ANKRD12: variants seen among roughly 807,000 people sequenced by gnomAD.
ANKRD12 encodes ankyrin repeat domain-containing protein 12.
In ANKRD12, 85 loss-of-function variants were observed where a neutral mutation model predicts 183.4. That is an observed-to-expected ratio of 0.46 (90% CI 0.39 to 0.56). ANKRD12 has a LOEUF of 0.56. ANKRD12 is among the 20% of genes least tolerant of loss of function. ANKRD12 has a pLI of 0.00. For missense variants in ANKRD12, 2,405 were observed against 2,357.1 expected (o/e 1.02, Z -0.42); for synonymous variants, 914 against 800.2 (o/e 1.14, Z -2.40).
chr18:9,257,645 A>C lies in ANKRD12; in HGVS notation c.4378A>C (p.Lys1460Gln), dbSNP rs533774975. 6.2e-7 allele frequency: 1 copy of C among 1,614,010 alleles called. No individual in the cohort carries two copies. Among genetic ancestry groups the C allele is most frequent in the African/African-American group, 1.3e-5 (1 of 75,026 alleles). ...TTGTAATTCTGAAAATAAGGTATTG[A>C]AAGAAAATGCTGATTTTTTATCCCT... ...SFCNSENKVL[K>Q]ENADFLSLRQ... Residue 1460 changes from lysine to glutamine, a missense_variant, in exon 9 of 13, where the codon AAA (lysine) becomes CAA (glutamine). Coordinates refer to ENST00000262126, the MANE Select transcript of ANKRD12 (RefSeq NM_015208.5).
At chr18:9,261,257 A>G (rs1224121218) in intron 9 of ANKRD12, among the ~76,000 whole-genome samples, 1 of 152,184 alleles carries the variant, frequency 6.6e-6, no homozygotes, top group Non-Finnish European at 1.5e-5. Context: ...CTTCCACAGC[A>G]TGTTATTTAA....
chr18:9,169,094 A>G (rs968480383), intron 1 of ANKRD12, among the ~76,000 whole-genome samples: 1 of 152,112 alleles, frequency 6.6e-6, no homozygotes, highest in Non-Finnish European at 1.5e-5. Flanking sequence ...ACAGTTTGTT[A>G]TAATTTCTGT....
Position 9,263,884 on chromosome 18 carries a change from A to G in ANKRD12, c.5759A>G (p.Glu1920Gly). Residue 1920 changes from glutamate (E) to glycine (G), a missense_variant, in exon 10 of 13, where the codon GAA becomes GGA. By Grantham distance (98) the Glu-to-Gly change is moderately conservative. Around this residue, in one of 7 missense-constraint regions of ANKRD12, gnomAD observed 162 missense variants for 272.2 expected, o/e 0.60. Transcript: ENST00000262126. ...AAACTACGTTTGCAACACAGTATTGAAAGGGTAAGAAATGTTTAAATTTAC... is the reference window on the plus strand; with the variant it reads ...AAACTACGTTTGCAACACAGTATTGGAAGGGTAAGAAATGTTTAAATTTAC... ...RMKLRLQHSI[E>G]REKLIVSNEQ... The G allele has an allele frequency of 6.9e-7, 1 of 1,445,708 alleles. No individual in the cohort carries two copies. Among genetic ancestry groups the G allele is most frequent in the Non-Finnish European group, 9.5e-7 (1 of 1,054,862 alleles). 89.6% of individuals were successfully genotyped at this position (1,445,708 alleles called of 1,614,324 possible).
intron 8 of ANKRD12, 27 bp from the exon 9 acceptor site, chr18:9,254,184 C>T: frequency 6.8e-7 from 1 of 1,466,386 alleles, no homozygotes. Flanking sequence ...GTTTGACCCA[C>T]ACCACATTTT....
intron 10 of ANKRD12, 28 bp from the exon 11 acceptor site, chr18:9,275,496 A>T (rs977530893): frequency 2.3e-5 from 36 of 1,575,812 alleles, no homozygotes; most frequent in Non-Finnish European, 3.1e-5. Flanking sequence ...TGAAGAATTT[A>T]TTTTTTTTTA....
Position 9,254,417 on chromosome 18 carries a change from GAAC to G in ANKRD12, c.1154_1156del (p.Gln385del), listed in dbSNP as rs752154180. 8 of 1,583,822 alleles carry G rather than the reference GAAC, an allele frequency of 5.1e-6. No homozygotes were observed. The highest frequency in any genetic ancestry group is 6.8e-6 in the Non-Finnish European group (8 of 1,170,224). On this transcript the variant is annotated inframe_deletion, in exon 9 of 13. Transcript: ENST00000262126. ...TGATGATAGGCATATTCTTAGGAAA[GAAC>G]AACGAAAAGAAAATGAACCTGAAGC...
Position 9,282,913 on chromosome 18 carries a change from T to G in ANKRD12, c.*1787T>G, listed in dbSNP as rs2040154941. 1 of 152,576 alleles carries G rather than the reference T, an allele frequency of 6.6e-6. No homozygotes were observed. 9.5% of individuals were successfully genotyped at this position (152,576 alleles called of 1,614,324 possible). A position where few individuals can be genotyped will look rare whatever the true frequency, so the allele number is the denominator to read the frequency against. ...TTATAAAGGTTGGATGTAGTTTTCCTTAGAAATTTAGGTGAGAGATTTTGG... is the reference window on the plus strand; with the variant it reads ...TTATAAAGGTTGGATGTAGTTTTCCGTAGAAATTTAGGTGAGAGATTTTGG... On this transcript the variant is annotated 3_prime_UTR_variant, in exon 13 of 13. Coordinates refer to ENST00000262126, the MANE Select transcript of ANKRD12 (RefSeq NM_015208.5).
intron 1 of ANKRD12, among the ~76,000 whole-genome samples, chr18:9,142,670 T>C (rs1003702748): frequency 6.6e-6 from 1 of 151,994 alleles, no homozygotes; most frequent in Non-Finnish European, 1.5e-5. Flanking sequence ...TCACCTGAGG[T>C]CAGGAGTTTG....
chr18:9,243,791 A>G (rs959657168), intron 8 of ANKRD12, among the ~76,000 whole-genome samples: 1 of 152,258 alleles, frequency 6.6e-6, no homozygotes, highest in Non-Finnish European at 1.5e-5. Context: ...GACAAAACAT[A>G]CATTATCTTA....
At chr18:9,242,787 A>T (rs1567956365) in intron 8 of ANKRD12, among the ~76,000 whole-genome samples, 1 of 152,132 alleles carries the variant, frequency 6.6e-6, no homozygotes. Flanking sequence ...TAGACTTAAG[A>T]TATTTTCAGC....
intron 8 of ANKRD12, among the ~76,000 whole-genome samples, chr18:9,244,714 G>T (rs1275436739): frequency 6.6e-6 from 1 of 152,106 alleles, no homozygotes. Flanking sequence ...TAAGTATGAC[G>T]CAGGCTAAAA....
At chr18:9,202,651 G>A (rs2035243524) in intron 3 of ANKRD12, among the ~76,000 whole-genome samples, 1 of 152,204 alleles carries the variant, frequency 6.6e-6, no homozygotes, top group Non-Finnish European at 1.5e-5. Flanking sequence ...AGGAACATAT[G>A]TGGGAGAGAG....
chr18:9,259,088 C>G (rs1045894822), intron 9 of ANKRD12, among the ~76,000 whole-genome samples, 157 bp downstream of exon 9: 1 of 152,152 alleles, frequency 6.6e-6, no homozygotes, highest in Non-Finnish European at 1.5e-5. Context: ...GTTCTTGTTT[C>G]TTTCATTCCC....
Position 9,254,644 on chromosome 18 carries a change from A to G in ANKRD12, c.1377A>G (p.Glu459=), listed in dbSNP as rs768870589. 8.9e-6 allele frequency: 14 copies of G among 1,574,332 alleles called. No individual in the cohort carries two copies. The highest frequency in any genetic ancestry group is 1.4e-5 in the African/African-American group (1 of 73,094). ...TSNSDMQTKK[E]YVVSGEHKQK... ...ATTCTGATATGCAAACCAAAAAGGA[A>G]TATGTAGTTTCAGGTGAACACAAAC... The change falls in exon 9 of 13, where the codon GAA becomes GAG. Residue 459 remains glutamate (E), a synonymous_variant. Transcript: ENST00000262126.
chr18:9,151,702 C>T (rs980699004), intron 1 of ANKRD12, among the ~76,000 whole-genome samples: 1 of 152,100 alleles, frequency 6.6e-6, no homozygotes, highest in Non-Finnish European at 1.5e-5. Flanking sequence ...CGTTTTTGCC[C>T]TGAAAGCGGC....
chr18:9,200,958 T>G (rs1053298854), intron 3 of ANKRD12, among the ~76,000 whole-genome samples: 1 of 152,128 alleles, frequency 6.6e-6, no homozygotes, highest in Admixed American at 6.5e-5. Flanking sequence ...AATCACAAGA[T>G]TATTGCTTCT....
intron 1 of ANKRD12, among the ~76,000 whole-genome samples, chr18:9,170,052 C>A (rs1257207018): frequency 6.6e-6 from 1 of 152,232 alleles, no homozygotes; most frequent in Non-Finnish European, 1.5e-5. Flanking sequence ...CCACTCTCTT[C>A]CGGCTTGTAG....
At chr18:9,260,276 T>A (rs1376640564) in intron 9 of ANKRD12, 1 of 152,124 alleles carries the variant, frequency 6.6e-6, no homozygotes, top group Admixed American at 6.6e-5. Context: ...CCAGGCCTGA[T>A]AACAATAACT....
At chr18:9,237,740 G>A (rs1226698957) in intron 8 of ANKRD12, among the ~76,000 whole-genome samples, 3 of 152,124 alleles carry the variant, frequency 2.0e-5, no homozygotes, top group Admixed American at 6.5e-5. Context: ...AGCATGGAGC[G>A]AAATCTGGAA....
Sources: allele counts gnomAD v4.1 joint callset (sites outside exome capture counted in the v4.1 genomes callset), GRCh38; gene constraint gnomAD v4.1.1; regional missense constraint gnomAD v4.1.1; transcripts MANE v1.5; gene names NCBI Gene and HGNC (gene_info 2026-07-23, HGNC 2026-07-21).